Variants in L3MBTL3 observed in about 807,000 individuals in gnomAD.
L3MBTL3 encodes the protein lethal(3)malignant brain tumor-like protein 3.
In L3MBTL3, 27 loss-of-function variants were observed where a neutral mutation model predicts 102.3. The observed-to-expected ratio is 0.26, with a 90% CI of 0.19 to 0.36. L3MBTL3 has a LOEUF of 0.36. Ranked by LOEUF, L3MBTL3 falls within the 10% of genes least tolerant of loss-of-function variation. The probability of loss-of-function intolerance (pLI) is 1.00; values close to 1 mark genes in which losing one functional copy is unlikely to be tolerated. For synonymous variants in L3MBTL3, 340 were observed against 320.9 expected, an observed-to-expected ratio of 1.06 and a Z score of -0.64; for missense variants, 798 against 955.3, an observed-to-expected ratio of 0.84 and a Z score of 2.17.
At chr6:130,020,114 GGCCGGGGCCGGC>G (rs1333401855) in intron 1 of L3MBTL3, among the ~76,000 whole-genome samples, 138 of 151,046 alleles carry the variant, frequency 9.1e-4, no homozygotes, top group African/African-American at 3.1e-3. Context: ...GAGGGGTCGG[GGCCGGGGCCGGC>G]GCCGGGGCCA....
Position 130,086,268 on chromosome 6 carries a change from G to C in L3MBTL3, c.1518+18G>C. 1 of 1,503,458 alleles carries C rather than the reference G, an allele frequency of 6.7e-7. No individual in the cohort carries two copies. Among genetic ancestry groups the C allele is most frequent in the Non-Finnish European group, 9.1e-7 (1 of 1,096,162 alleles). The allele number at this position is 1,503,458 out of a possible 1,614,324, so 93.1% of individuals were successfully genotyped here. On this transcript the variant is annotated intron_variant, in intron 16 of 22. Transcript: ENST00000361794. ...GGGTAAAAGTAAGTGTTCTGTGTGG[G>C]GGGTTGGCTTTGTCTTTTGTTATAA...
At chr6:130,086,310 A>G in intron 16 of L3MBTL3, 60 bp downstream of exon 16, 1 of 1,133,846 alleles carries the variant, frequency 8.8e-7, no homozygotes. Context: ...TTAGATAAAA[A>G]CTTTGGTAGA....
intron 16 of L3MBTL3, among the ~76,000 whole-genome samples, chr6:130,086,725 A>G (rs1399506140): frequency 6.6e-6 from 1 of 152,210 alleles, no homozygotes; most frequent in African/African-American, 2.4e-5. Flanking sequence ...TTAAAAAGTA[A>G]GCAAATGTTT....
At chr6:130,022,032 G>A (rs1277614479) in intron 1 of L3MBTL3, among the ~76,000 whole-genome samples, 195 bp from the exon 2 acceptor site, 1 of 152,206 alleles carries the variant, frequency 6.6e-6, no homozygotes, top group African/African-American at 2.4e-5. Flanking sequence ...ACATGGGAAT[G>A]ATACGAATGA....
chr6:130,088,843 G>A (rs1299385213), intron 16 of L3MBTL3, among the ~76,000 whole-genome samples: 7 of 151,986 alleles, frequency 4.6e-5, no homozygotes, highest in Non-Finnish European at 7.4e-5. Flanking sequence ...TTTAGATCTT[G>A]CCCTTCTTCC....
intron 22 of L3MBTL3, among the ~76,000 whole-genome samples, chr6:130,139,121 A>G (rs148510006): frequency 4.0e-5 from 6 of 151,824 alleles, no homozygotes; most frequent in African/African-American, 1.5e-4. Context: ...CACACTAGAG[A>G]TAAGTGTTAT....
intron 19 of L3MBTL3, among the ~76,000 whole-genome samples, chr6:130,107,907 A>T (rs1464695851): frequency 6.6e-6 from 1 of 152,202 alleles, no homozygotes; most frequent in Non-Finnish European, 1.5e-5. Context: ...TCTGAAGATT[A>T]GTTCTGTCTT....
In L3MBTL3 at chr6:130,048,941, A is replaced by AACACAC. The variant is rs6149808; in HGVS notation, c.103-317_103-312dup. Reference sequence around the variant, plus strand: ...GTAAGAAAAAATAAGTCTTAGTTAAAACACACACACACACACACACACACA... The same window carrying AACACAC: ...GTAAGAAAAAATAAGTCTTAGTTAAAACACACACACACACACACACACACACACACA... On this transcript the variant is annotated intron_variant, in intron 3 of 22. Transcript: ENST00000361794. Among the ~76,000 whole-genome samples, 764 of 78,514 alleles carry AACACAC rather than the reference A, an allele frequency of 9.7e-3. 6 individuals carry two copies. The highest frequency in any genetic ancestry group is 0.02 in the African/African-American group (708 of 34,732). 51.5% of individuals were successfully genotyped at this position (78,514 alleles called of 152,430 possible).
At chr6:130,063,003 T>C (rs1321152966) in intron 10 of L3MBTL3, among the ~76,000 whole-genome samples, 1 of 30,956 alleles carries the variant, frequency 3.2e-5, no homozygotes, top group African/African-American at 9.2e-5. Flanking sequence ...TTTTTTTTTT[T>C]CTGTTTTTTT....
At chr6:130,108,059 C>T (rs763274260) in intron 19 of L3MBTL3, among the ~76,000 whole-genome samples, 52 of 152,052 alleles carry the variant, frequency 3.4e-4, no homozygotes, top group Non-Finnish European at 5.9e-4. Flanking sequence ...ATTTAAATCT[C>T]GGCTTCCCTA....
Position 130,051,230 on chromosome 6 carries a change from TC to T in L3MBTL3, c.290-18del, listed in dbSNP as rs754065148. On this transcript the variant is annotated intron_variant, in intron 5 of 22. Coordinates refer to ENST00000361794, the MANE Select transcript of L3MBTL3 (RefSeq NM_032438.4). ...TTCTGTCATGGTTGTAATTTGCATT[TC>T]TTCTTTTCATCTTCTAGTCTTTTCA... The T allele has an allele frequency of 6.3e-7, 1 of 1,588,112 alleles. No homozygotes were observed. Among genetic ancestry groups the T allele is most frequent in the African/African-American group, 1.4e-5 (1 of 73,846 alleles).
chr6:130,048,552 G>A (rs1780865835), intron 3 of L3MBTL3, among the ~76,000 whole-genome samples: 1 of 152,166 alleles, frequency 6.6e-6, no homozygotes. Context: ...TATTTGGAAT[G>A]GAATGTCCAT....
intron 22 of L3MBTL3, 101 bp from the exon 23 acceptor site, chr6:130,139,509 G>T: frequency 2.8e-6 from 3 of 1,061,044 alleles, no homozygotes; most frequent in East Asian, 4.8e-5. Context: ...TGCTTTTTTA[G>T]CATTGCTATG....
chr6:130,059,447 A>G (rs575994231), intron 9 of L3MBTL3, among the ~76,000 whole-genome samples: 1 of 152,266 alleles, frequency 6.6e-6, no homozygotes, highest in South Asian at 2.1e-4. Context: ...GTTCTGTAAT[A>G]ATTTACGTTC....
In L3MBTL3 at chr6:130,078,717, A is replaced by G. The variant is rs954869357; in HGVS notation, c.1321+83A>G. ...TTTTCTGTAAAGGGCCAGATAGTAA[A>G]TATTTTGGCTTTGCAGACCATGCAG... is the stretch of plus-strand genomic sequence containing the variant. On this transcript the variant is annotated intron_variant, in intron 14 of 22. Transcript: ENST00000361794. 1.4e-5 allele frequency: 13 copies of G among 939,132 alleles called. No individual in the cohort carries two copies. The African/African-American group carries it at 1.5e-4, about 11-fold the overall frequency. 58.2% of individuals were successfully genotyped at this position (939,132 alleles called of 1,614,324 possible). A position where few individuals can be genotyped will look rare whatever the true frequency, so the allele number is the denominator to read the frequency against.
chr6:130,070,557 A>G (rs1475642869), intron 12 of L3MBTL3, among the ~76,000 whole-genome samples: 1 of 152,134 alleles, frequency 6.6e-6, no homozygotes, highest in Non-Finnish European at 1.5e-5. Context: ...CACATTTTTA[A>G]CTTGATTAAG....
intron 14 of L3MBTL3, among the ~76,000 whole-genome samples, chr6:130,080,664 G>C (rs1370229833): frequency 6.8e-6 from 1 of 146,282 alleles, no homozygotes; most frequent in Non-Finnish European, 1.5e-5. Flanking sequence ...CAGTCGAAGA[G>C]AAAAAAAAAA....
At chr6:130,090,802 A>T (rs1392065595) in intron 16 of L3MBTL3, among the ~76,000 whole-genome samples, 1 of 151,680 alleles carries the variant, frequency 6.6e-6, no homozygotes, top group African/African-American at 2.4e-5. Flanking sequence ...GTCCAGGCTG[A>T]TCTTGAACTC....
In L3MBTL3 at chr6:130,114,872, C is replaced by T. The variant is rs143015835; in HGVS notation, c.1887-6007C>T. Among the ~76,000 whole-genome samples the T allele has an allele frequency of 1.7e-3, 259 of 152,250 alleles. 2 individuals are homozygous for T. Among genetic ancestry groups the T allele is most frequent in the Middle Eastern group, 6.8e-3 (2 of 294 alleles). ...TTTGCCATCTTTTTCTGAATCCCTT[C>T]GAAGGTGGTGATCTCCTTGACCTGA... On this transcript the variant is annotated intron_variant, in intron 19 of 22. Coordinates refer to ENST00000361794, the MANE Select transcript of L3MBTL3 (RefSeq NM_032438.4).
Sources: gnomAD v4.1 joint callset for allele counts (sites outside exome capture counted in the v4.1 genomes callset) on GRCh38, gnomAD v4.1.1 for gene constraint, MANE v1.5 for transcripts, NCBI Gene and HGNC (gene_info 2026-07-23, HGNC 2026-07-21) for gene names.